Variants in UBA6 observed in about 807,000 individuals in gnomAD.
The protein encoded by UBA6 is ubiquitin like modifier activating enzyme 6.
Under a neutral mutation model 148.3 loss-of-function variants are expected in UBA6, and 87 were observed. The observed-to-expected ratio is 0.59, with a 90% CI of 0.49 to 0.70. The LOEUF (loss-of-function observed/expected upper bound fraction) is 0.70, where lower values mean the gene tolerates loss of function less well. Ranked by LOEUF, UBA6 falls within the 30% of genes least tolerant of loss-of-function variation. UBA6 has a pLI of 0.00. For missense variants in UBA6, 1,186 were observed against 1,241.2 expected (o/e 0.96, Z 0.67); for synonymous variants, 376 against 401.0 (o/e 0.94, Z 0.75).
intron 15 of UBA6, among the ~76,000 whole-genome samples, chr4:67,646,501 G>GCTAA (rs1157588341): frequency 8.5e-5 from 13 of 152,150 alleles, no homozygotes; most frequent in African/African-American, 3.1e-4. Context: ...TATTTTAAAT[G>GCTAA]CTAACCATTC....
intron 10 of UBA6, 72 bp downstream of exon 10, chr4:67,665,117 G>A (rs1221231250): frequency 3.7e-6 from 3 of 806,624 alleles, no homozygotes; most frequent in Non-Finnish European, 3.9e-6. Context: ...GGTTAACTGA[G>A]TAGTTATTTG....
intron 4 of UBA6, among the ~76,000 whole-genome samples, chr4:67,679,454 C>G (rs1290938232): frequency 1.3e-5 from 2 of 151,976 alleles, no homozygotes; most frequent in Admixed American, 1.3e-4. Context: ...AATACATGGA[C>G]TAAACTGTTT....
At chr4:67,636,630 G>C (rs1297371816) in intron 19 of UBA6, among the ~76,000 whole-genome samples, 3 of 152,394 alleles carry the variant, frequency 2.0e-5, no homozygotes, top group East Asian at 3.9e-4. Context: ...CTAACAGTGA[G>C]TGATCTGCCA....
rs138844656 is a variant in UBA6, at chr4:67,676,236, C to T, written c.465+1375G>A. Among the ~76,000 whole-genome samples the T allele has an allele frequency of 5.0e-3, 756 of 152,162 alleles. 9 individuals carry two copies. The highest frequency in any genetic ancestry group is 0.017 in the African/African-American group (710 of 41,536). On this transcript the variant is annotated intron_variant, in intron 6 of 32. Transcript: ENST00000322244. ...ACAGGGTTTCTCCATGTTGGTCAGGCTGGTCTCGAACTCCTGACCTTAGGT... is the reference window on the plus strand; with the variant it reads ...ACAGGGTTTCTCCATGTTGGTCAGGTTGGTCTCGAACTCCTGACCTTAGGT...
At chr4:67,696,774 T>C (rs1730850780) in intron 1 of UBA6, 67 bp from the exon 2 acceptor site, 2 of 1,307,460 alleles carry the variant, frequency 1.5e-6, no homozygotes, top group Non-Finnish European at 2.2e-6. Flanking sequence ...ACTTGTGTGA[T>C]CAGATTCACC....
chr4:67,623,050 T>C, intron 31 of UBA6, 85 bp downstream of exon 31: 1 of 1,346,656 alleles, frequency 7.4e-7, no homozygotes, highest in Non-Finnish European at 1.0e-6. Context: ...TAAATAATTA[T>C]AACTTCCAAT....
At chr4:67,632,741 C>T (rs1222780992) in intron 23 of UBA6, among the ~76,000 whole-genome samples, 2 of 152,090 alleles carry the variant, frequency 1.3e-5, no homozygotes, top group Admixed American at 1.3e-4. Flanking sequence ...GCACATGCAG[C>T]CTCAGCTACT....
In UBA6 at chr4:67,633,468, T is replaced by A; in HGVS notation, c.2019A>T (p.Ile673=). 1.3e-6 allele frequency: 2 copies of A among 1,591,762 alleles called. No homozygotes were observed. The highest frequency in any genetic ancestry group is 2.3e-5 in the South Asian group (2 of 86,562). The part of the protein sequence containing the change: ...YSSAEEVLQK[I]QSGHSLEGCF... Reference sequence around the variant, plus strand: ...AGCCTTCTAAACTGTGTCCACTCTGTATCTTCTAGAATGGGAGAGAAAAAA... The same window carrying A: ...AGCCTTCTAAACTGTGTCCACTCTGAATCTTCTAGAATGGGAGAGAAAAAA... Residue 673 remains isoleucine, a synonymous_variant, in exon 23 of 33, where the codon ATA becomes ATT. Coordinates refer to ENST00000322244, the MANE Select transcript of UBA6 (RefSeq NM_018227.6).
intron 6 of UBA6, among the ~76,000 whole-genome samples, chr4:67,675,248 C>A (rs116576521): frequency 6.6e-6 from 1 of 152,208 alleles, no homozygotes; most frequent in African/African-American, 2.4e-5. Flanking sequence ...AATCTATCCA[C>A]TGAATTTTAA....
intron 2 of UBA6, among the ~76,000 whole-genome samples, chr4:67,692,608 G>C (rs1014860873): frequency 6.6e-6 from 1 of 152,100 alleles, no homozygotes; most frequent in Non-Finnish European, 1.5e-5. Context: ...GAAGTACCTT[G>C]CCAGCAAGAA....
chr4:67,673,813 A>G, intron 6 of UBA6, 36 bp from the exon 7 acceptor site: 1 of 1,461,314 alleles, frequency 6.8e-7, no homozygotes, highest in Non-Finnish European at 9.5e-7. Context: ...ACTAGAAAAT[A>G]CATAATTATT....
At chr4:67,682,022 C>A (rs1296629573) in intron 3 of UBA6, 97 bp downstream of exon 3, 3 of 886,354 alleles carry the variant, frequency 3.4e-6, no homozygotes, top group East Asian at 5.1e-5. Context: ...TTGGATCTAA[C>A]TTCCTTTATA....
chr4:67,665,885 A>C (rs13151552), intron 9 of UBA6, among the ~76,000 whole-genome samples: 13,102 of 152,256 alleles, frequency 0.086, 763 homozygotes, highest in Middle Eastern at 0.18. Flanking sequence ...AAAACCATGT[A>C]GTAAGGAAGG....
intron 7 of UBA6, among the ~76,000 whole-genome samples, chr4:67,673,184 C>CA (rs1730190891): frequency 6.6e-6 from 1 of 151,826 alleles, no homozygotes; most frequent in Non-Finnish European, 1.5e-5. Context: ...AGGCTGGGCG[C>CA]AGTGGCTCAC....
chr4:67,613,744 G>A lies in UBA6; in HGVS notation c.*5253C>T, dbSNP rs1229229845. On this transcript the variant is annotated 3_prime_UTR_variant, in exon 33 of 33. Transcript: ENST00000322244. ...CAAATTCCTGTCTAAGGAGTCTGGG[G>A]AGTCATGCTCTACAAACCATAAATT... 6.6e-6 allele frequency: 1 copy of A among 152,130 alleles called. No individual in the cohort carries two copies. Among genetic ancestry groups the A allele is most frequent in the Non-Finnish European group, 1.5e-5 (1 of 68,026 alleles). 9.4% of individuals were successfully genotyped at this position (152,130 alleles called of 1,614,324 possible).
intron 2 of UBA6, among the ~76,000 whole-genome samples, chr4:67,682,828 T>C (rs1730474489): frequency 2.0e-5 from 3 of 152,228 alleles, no homozygotes; most frequent in Non-Finnish European, 4.4e-5. Flanking sequence ...TTGGAGATAA[T>C]ATAAATTCCA....
intron 2 of UBA6, among the ~76,000 whole-genome samples, chr4:67,693,480 C>T (rs1730747802): frequency 6.6e-6 from 1 of 152,112 alleles, no homozygotes; most frequent in Non-Finnish European, 1.5e-5. Flanking sequence ...GGATTTTCGA[C>T]TGCACAAGAG....
In UBA6 at chr4:67,665,172, GA is replaced by G. The variant is rs201712118; in HGVS notation, c.897+16del. ...TCTGTAAAAAAATGTTTTTTAAGCC[GA>G]AAAAAAAATACTTACAAAAAAAACT... On this transcript the variant is annotated intron_variant, in intron 10 of 32. Coordinates refer to ENST00000322244, the MANE Select transcript of UBA6 (RefSeq NM_018227.6). 605 of 1,442,888 alleles carry G rather than the reference GA, an allele frequency of 4.2e-4. 1 individual carries two copies. The highest frequency in any genetic ancestry group is 1.5e-3 in the South Asian group (105 of 69,476). 89.4% of individuals were successfully genotyped at this position (1,442,888 alleles called of 1,614,324 possible).
At chr4:67,666,537 A>G (rs990702606) in intron 9 of UBA6, among the ~76,000 whole-genome samples, 3 of 152,114 alleles carry the variant, frequency 2.0e-5, no homozygotes, top group African/African-American at 7.2e-5. Context: ...ACACATATAT[A>G]TATCTAGAAT....
Sources: allele counts gnomAD v4.1 joint callset (sites outside exome capture counted in the v4.1 genomes callset), GRCh38; gene constraint gnomAD v4.1.1; transcripts MANE v1.5; gene names NCBI Gene and HGNC (gene_info 2026-07-23, HGNC 2026-07-21).